The following UST variants were observed in gnomAD, a reference collection of about 807,000 sequenced individuals.
UST encodes chondroitin sulfate 2-O-sulfotransferase.
A neutral mutation model predicts 45.6 loss-of-function variants in UST; 21 were observed. The ratio of observed to expected loss-of-function variants is 0.46; its 90% CI spans 0.33 to 0.66. UST has a LOEUF of 0.66. Ranked by LOEUF, UST falls within the 30% of genes least tolerant of loss-of-function variation. The probability of loss-of-function intolerance (pLI) is 0.02; values close to 1 mark genes in which losing one functional copy is unlikely to be tolerated. For synonymous variants in UST, 215 were observed against 200.6 expected, an observed-to-expected ratio of 1.07 and a Z score of -0.61; for missense variants, 463 against 512.4, an observed-to-expected ratio of 0.90 and a Z score of 0.93.
intron 1 of UST, among the ~76,000 whole-genome samples, chr6:148,819,228 A>G (rs947025450): frequency 6.6e-6 from 1 of 152,246 alleles, no homozygotes; most frequent in African/African-American, 2.4e-5. Flanking sequence ...TAGCAGAGAT[A>G]ATAATGAAAT....
chr6:148,920,394 T>C (rs1422775805), intron 2 of UST, among the ~76,000 whole-genome samples: 1 of 152,168 alleles, frequency 6.6e-6, no homozygotes, highest in Non-Finnish European at 1.5e-5. Context: ...TCCTCCACAC[T>C]GGCCAATGTG....
intron 7 of UST, among the ~76,000 whole-genome samples, chr6:149,046,034 C>G (rs1178012304): frequency 1.3e-5 from 2 of 152,200 alleles, no homozygotes; most frequent in African/African-American, 4.8e-5. Flanking sequence ...CTATTGTTTT[C>G]TGGAGGCCAC....
In UST at chr6:149,013,335, A is replaced by C. The variant is rs539904594; in HGVS notation, c.682-5804A>C. Among the ~76,000 whole-genome samples the C allele has an allele frequency of 1.1e-3, 163 of 152,176 alleles. 1 individual carries two copies. The highest frequency in any genetic ancestry group is 3.8e-3 in the African/African-American group (159 of 41,556). On this transcript the variant is annotated intron_variant, in intron 5 of 7. Transcript: ENST00000367463. ...GAGGTCAAGGAAGGTGGATCACCTG[A>C]GGTCAGGAGTTCGAGTTTGCCGCTA... is the stretch of plus-strand genomic sequence containing the variant.
At chr6:148,833,452 A>G (rs1383896230) in intron 1 of UST, among the ~76,000 whole-genome samples, 2 of 152,180 alleles carry the variant, frequency 1.3e-5, no homozygotes, top group Non-Finnish European at 2.9e-5. Context: ...GTGCGACTGC[A>G]CTCCAGCCTG....
chr6:148,983,047 C>T (rs1406900867), intron 5 of UST, among the ~76,000 whole-genome samples: 2 of 152,130 alleles, frequency 1.3e-5, no homozygotes, highest in East Asian at 3.9e-4. Flanking sequence ...ATTTGCAAAG[C>T]CATATTGAGC....
chr6:148,776,030 A>G (rs920515735), intron 1 of UST, among the ~76,000 whole-genome samples: 23 of 152,210 alleles, frequency 1.5e-4, no homozygotes, highest in Non-Finnish European at 1.5e-4. Flanking sequence ...TTATGAGCTG[A>G]AATTTTATTA....
intron 7 of UST, among the ~76,000 whole-genome samples, chr6:149,056,814 C>T (rs1776572399): frequency 1.3e-5 from 2 of 152,378 alleles, no homozygotes; most frequent in Admixed American, 1.3e-4. Flanking sequence ...CTTCATTTCA[C>T]ACTTTCCTGA....
chr6:148,975,629 A>G (rs1460850814), intron 5 of UST, among the ~76,000 whole-genome samples: 1 of 152,194 alleles, frequency 6.6e-6, no homozygotes, highest in Non-Finnish European at 1.5e-5. Flanking sequence ...AAAGAGCCTC[A>G]CAACTGCATG....
At chr6:149,044,276 C>A (rs1304869386) in intron 7 of UST, among the ~76,000 whole-genome samples, 1 of 152,096 alleles carries the variant, frequency 6.6e-6, no homozygotes, top group African/African-American at 2.4e-5. Flanking sequence ...AAATCTCAAG[C>A]AATATTAGCA....
intron 1 of UST, among the ~76,000 whole-genome samples, chr6:148,788,894 T>C (rs1484108094): frequency 6.6e-6 from 1 of 152,224 alleles, no homozygotes; most frequent in African/African-American, 2.4e-5. Flanking sequence ...TTCAGGAAAA[T>C]GCTGTGGTTA....
intron 1 of UST, among the ~76,000 whole-genome samples, chr6:148,824,731 A>T (rs1777536495): frequency 7.2e-6 from 1 of 139,082 alleles, no homozygotes; most frequent in Non-Finnish European, 1.5e-5. Flanking sequence ...CACATTGTGC[A>T]GGTTAGTTAC....
chr6:149,033,167 C>T (rs1473780624), intron 7 of UST, among the ~76,000 whole-genome samples: 2 of 152,170 alleles, frequency 1.3e-5, no homozygotes, highest in East Asian at 1.9e-4. Flanking sequence ...TCCCTGTCCA[C>T]CCCAGGAATT....
At chr6:148,805,161 C>G (rs575282913) in intron 1 of UST, among the ~76,000 whole-genome samples, 3 of 152,244 alleles carry the variant, frequency 2.0e-5, no homozygotes, top group African/African-American at 7.2e-5. Context: ...CATTTTTCTT[C>G]CCATATAGTT....
At chr6:148,747,827 G>C in intron 1 of UST, 150 bp downstream of exon 1, 1 of 1,058,056 alleles carries the variant, frequency 9.5e-7, no homozygotes, top group Non-Finnish European at 1.2e-6. Context: ...CATCTGTGCC[G>C]CGGTCGGGAG....
intron 1 of UST, among the ~76,000 whole-genome samples, chr6:148,834,068 T>A (rs1394628380): frequency 6.6e-6 from 1 of 152,228 alleles, no homozygotes; most frequent in Non-Finnish European, 1.5e-5. Context: ...ATATGTAATT[T>A]TTTCCATTTA....
rs560767962 is a variant in UST at position 149,045,402 on chromosome 6, A to G, written c.937+23921A>G. On this transcript the variant is annotated intron_variant, in intron 7 of 7. Transcript: ENST00000367463. Reference sequence around the variant, plus strand: ...TTGGTCCACAAACTCAATTTATTGTATTAGGTTGGTGCAAAAGTAATTGTG... The same window carrying G: ...TTGGTCCACAAACTCAATTTATTGTGTTAGGTTGGTGCAAAAGTAATTGTG... Among the ~76,000 whole-genome samples, 98 of 152,344 alleles carry G rather than the reference A, an allele frequency of 6.4e-4. 1 individual carries two copies. The highest frequency in any genetic ancestry group is 8.3e-4 in the South Asian group (4 of 4,826).
intron 5 of UST, among the ~76,000 whole-genome samples, chr6:149,017,371 T>C (rs1178519419): frequency 6.7e-6 from 1 of 148,724 alleles, no homozygotes; most frequent in Non-Finnish European, 1.5e-5. Flanking sequence ...CAAGACTCTG[T>C]CTCAAAAAAA....
At chr6:148,871,848 G>T (rs536361634) in intron 1 of UST, among the ~76,000 whole-genome samples, 2 of 152,274 alleles carry the variant, frequency 1.3e-5, no homozygotes, top group South Asian at 4.1e-4. Context: ...ACCACTTAGG[G>T]TCAAAAATGG....
chr6:148,980,207 C>T (rs985853993), intron 5 of UST, among the ~76,000 whole-genome samples: 2 of 152,152 alleles, frequency 1.3e-5, no homozygotes, highest in Non-Finnish European at 2.9e-5. Context: ...ACATATATCA[C>T]CTATATACCA....
Sources: allele counts gnomAD v4.1 joint callset (sites outside exome capture counted in the v4.1 genomes callset), GRCh38; gene constraint gnomAD v4.1.1; transcripts MANE v1.5; gene names NCBI Gene and HGNC (gene_info 2026-07-23, HGNC 2026-07-21).